Variants in ZFP64 observed in about 807,000 individuals in gnomAD.
ZFP64 encodes the protein ZFP64 zinc finger protein, also known as zinc finger protein 64.
ZFP64 carries 14 observed loss-of-function variants against 51.6 expected under a neutral mutation model. The ratio of observed to expected loss-of-function variants is 0.27; its 90% CI spans 0.18 to 0.42. The LOEUF (loss-of-function observed/expected upper bound fraction) is 0.42. ZFP64 is among the 10% of genes least tolerant of loss of function. ZFP64 has a pLI of 1.00. For missense variants in ZFP64, 754 were observed against 906.8 expected, an observed-to-expected ratio of 0.83 and a Z score of 2.16; for synonymous variants, 375 against 361.4, an observed-to-expected ratio of 1.04 and a Z score of -0.43.
chr20:52,136,537 T>C (rs1979990839), intron 5 of ZFP64, among the ~76,000 whole-genome samples: 2 of 152,208 alleles, frequency 1.3e-5, no homozygotes, highest in Admixed American at 1.3e-4. Flanking sequence ...ACTCAGAGTT[T>C]ACATCAATAA....
chr20:52,088,889 A>C, intron 7 of ZFP64: 1 of 651,376 alleles, frequency 1.5e-6, no homozygotes. Flanking sequence ...TACAGGCCAA[A>C]CCCTGTTTGG....
exon 9 of ZFP64, chr20:52,084,244 T>G: frequency 3.2e-6 from 1 of 314,834 alleles, no homozygotes; most frequent in Non-Finnish European, 5.8e-6. Flanking sequence ...AGTTTTAAAA[T>G]TGGAATCCGT....
chr20:52,145,033 G>C (rs1308397351), intron 5 of ZFP64, among the ~76,000 whole-genome samples: 6 of 152,176 alleles, frequency 3.9e-5, no homozygotes, highest in Non-Finnish European at 8.8e-5. Context: ...GATAATTTCT[G>C]AGATAGTCAA....
At chr20:52,118,259 T>TG (rs11417476) in intron 5 of ZFP64, among the ~76,000 whole-genome samples, 26,521 of 140,306 alleles carry the variant, frequency 0.19, 2,466 homozygotes, top group Non-Finnish European at 0.22. Context: ...GGAAATGAAA[T>TG]TTGGTGGAGG....
chr20:52,105,353 G>T, intron 5 of ZFP64: 1 of 1,243,878 alleles, frequency 8.0e-7, no homozygotes, highest in Non-Finnish European at 1.0e-6. Context: ...CGGCAATTCT[G>T]CTCATCAGCC....
In ZFP64 at chr20:52,160,135, G is replaced by A. The variant is rs1276241659; in HGVS notation, c.751C>T (p.Arg251Ter). 6.2e-7 allele frequency: 1 copy of A among 1,614,046 alleles called. No individual in the cohort carries two copies. The highest frequency in any genetic ancestry group is 1.1e-5 in the South Asian group (1 of 91,072). The change falls in exon 5 of 6, where the codon CGA becomes TGA. Residue 251 changes from arginine to a stop codon, truncating the protein, a stop_gained. Coordinates refer to ENST00000216923, the MANE Select transcript of ZFP64 (RefSeq NM_018197.3). LOFTEE classifies it high-confidence loss of function. This position sits in a 1 kb window ranked among gnomAD's most constrained non-coding sequence, Gnocchi z 4.2. Reference protein sequence around the residue: ...RNSSQLTVHLRSHTGDAPFQC... With the variant: ...RNSSQLTVHL ...AGGCAGGACTCACCCGTGTGGGATC[G>A]CAGGTGGACAGTGAGCTGGCTGGAG... is the stretch of plus-strand genomic sequence containing the variant.
At chr20:52,158,745 C>T (rs1222109908) in intron 5 of ZFP64, among the ~76,000 whole-genome samples, 1 of 152,142 alleles carries the variant, frequency 6.6e-6, no homozygotes, top group Non-Finnish European at 1.5e-5. Flanking sequence ...AATTCTTCAC[C>T]TTCCCTGCAT....
At position 52,187,031 on chromosome 20, in the gene ZFP64, G is replaced by T. The variant is rs376628667; in HGVS notation, c.87C>A (p.Asp29Glu). Residue 29 changes from aspartate (D) to glutamate (E), a missense_variant, in exon 2 of 6, where the codon GAC becomes GAA. Asp to Glu is a conservative substitution (Grantham distance 45). Around this residue, in one of 3 missense-constraint regions of ZFP64, gnomAD observed 95 missense variants for 97.7 expected, o/e 0.97. Transcript: ENST00000216923. Reference protein sequence around the residue: ...GTTVLVELTPDIHICGICKQQ... With the variant: ...GTTVLVELTPEIHICGICKQQ... ...GCTTGCAGATGCCGCAGATATGGAT[G>T]TCGGGAGTCAGCTCCACCAGCACCG... 2 of 1,612,296 alleles carry T rather than the reference G, an allele frequency of 1.2e-6. No homozygotes were observed. The highest frequency in any genetic ancestry group is 1.7e-6 in the Non-Finnish European group (2 of 1,178,440).
chr20:52,173,531 T>C (rs1982921395), intron 2 of ZFP64, among the ~76,000 whole-genome samples: 1 of 152,164 alleles, frequency 6.6e-6, no homozygotes, highest in East Asian at 1.9e-4. Context: ...CAGGCTGCAG[T>C]GAGCTATGAT....
chr20:52,131,931 A>G (rs1246902464), intron 5 of ZFP64, among the ~76,000 whole-genome samples: 1 of 152,222 alleles, frequency 6.6e-6, no homozygotes, highest in Non-Finnish European at 1.5e-5. Flanking sequence ...TCTTTTCCTC[A>G]GCACATGGAT....
chr20:52,107,397 A>G (rs1978334249), intron 5 of ZFP64, among the ~76,000 whole-genome samples: 1 of 152,114 alleles, frequency 6.6e-6, no homozygotes, highest in African/African-American at 2.4e-5. Context: ...ATGATATAAT[A>G]AGTACTAGGG....
intron 5 of ZFP64, among the ~76,000 whole-genome samples, chr20:52,116,166 C>T (rs1214333424): frequency 6.8e-5 from 10 of 148,128 alleles, no homozygotes; most frequent in African/African-American, 2.3e-4. Flanking sequence ...GATGGAGTCT[C>T]GCTCTGTCAC....
At chr20:52,093,436 A>G (rs577016811) in intron 7 of ZFP64, among the ~76,000 whole-genome samples, 80 of 152,302 alleles carry the variant, frequency 5.3e-4, no homozygotes, top group Non-Finnish European at 1.0e-3. Context: ...CACTGCGCCC[A>G]GCCATCAGGA....
In ZFP64 at chr20:52,160,063, C is replaced by T; in HGVS notation, c.763+60G>A. The stretch of plus-strand genomic sequence containing the variant: ...CATTGTGGCTGAATGCTTTAAGGTG[C>T]TTATGATTTATGCCATAGAAAGTGA... On this transcript the variant is annotated intron_variant, in intron 5 of 5. Coordinates refer to ENST00000216923, the MANE Select transcript of ZFP64 (RefSeq NM_018197.3). This position sits in a 1 kb window ranked among gnomAD's most constrained non-coding sequence, Gnocchi z 4.2. 3 of 1,610,870 alleles carry T rather than the reference C, an allele frequency of 1.9e-6. No individual in the cohort carries two copies. Among genetic ancestry groups the T allele is most frequent in the East Asian group, 2.2e-5 (1 of 44,844 alleles).
At chr20:52,147,790 G>A (rs943708440), downstream of ZFP64, among the ~76,000 whole-genome samples, 6 of 152,188 alleles carry the variant, frequency 3.9e-5, no homozygotes, top group South Asian at 2.1e-4. Flanking sequence ...CGAGGCAGGC[G>A]GATCACTTGA....
rs760501486 is a variant in ZFP64 at position 52,165,888 on chromosome 20, T to C, written c.424A>G (p.Lys142Glu). Residue 142 changes from lysine to glutamate, a missense_variant, in exon 3 of 6, where the codon AAA (lysine) becomes GAA (glutamate). Transcript: ENST00000216923. ...CCTGGATAGCAACAGTTAAGCCTTTTCTGAGCAGGTGGTGTTGTGGGCTTT... is the reference window on the plus strand; with the variant it reads ...CCTGGATAGCAACAGTTAAGCCTTTCCTGAGCAGGTGGTGTTGTGGGCTTT... ...TKKPTTPPAQ[K>E]RLNCCYPGCQ... 6.2e-7 allele frequency: 1 copy of C among 1,614,104 alleles called. No individual in the cohort carries two copies. The highest frequency in any genetic ancestry group is 8.5e-7 in the Non-Finnish European group (1 of 1,179,984).
chr20:52,167,697 G>A (rs1482764194), intron 2 of ZFP64, among the ~76,000 whole-genome samples: 1 of 152,160 alleles, frequency 6.6e-6, no homozygotes, highest in Non-Finnish European at 1.5e-5. Flanking sequence ...GGATGAACCT[G>A]TCAGGCTAAG....
chr20:52,105,240 C>G (rs182821508), intron 5 of ZFP64: 2 of 1,333,658 alleles, frequency 1.5e-6, no homozygotes, highest in Non-Finnish European at 9.5e-7. Context: ...CGCGACATGG[C>G]GCGAGGACCG....
intron 7 of ZFP64, among the ~76,000 whole-genome samples, chr20:52,094,765 T>TAAA (rs2078968765): frequency 7.1e-6 from 1 of 140,246 alleles, no homozygotes; most frequent in African/African-American, 2.8e-5. Context: ...AAATAAATAA[T>TAAA]AAAAAGGAAA....
Sources: allele counts gnomAD v4.1 joint callset (sites outside exome capture counted in the v4.1 genomes callset), GRCh38; gene constraint gnomAD v4.1.1; regional missense constraint gnomAD v4.1.1; non-coding constraint Gnocchi (gnomAD v3.1); transcripts MANE v1.5; gene names NCBI Gene and HGNC (gene_info 2026-07-23, HGNC 2026-07-21).